PDE4D: variants seen among roughly 807,000 people sequenced by gnomAD.
PDE4D encodes the protein phosphodiesterase 4D, also known as 3',5'-cyclic-AMP phosphodiesterase 4D.
Under a neutral mutation model 87.4 loss-of-function variants are expected in PDE4D, and 24 were observed. The ratio of observed to expected loss-of-function variants is 0.27; its 90% confidence interval spans 0.20 to 0.39. The LOEUF (loss-of-function observed/expected upper bound fraction) is 0.39, where lower values mean the gene tolerates loss of function less well. Among genes scored for constraint, PDE4D ranks in the 10% least tolerant of loss-of-function variants. PDE4D has a pLI of 1.00. For missense variants in PDE4D, 714 were observed against 1,041.0 expected (o/e 0.69, Z 4.32); for synonymous variants, 384 against 383.2 (o/e 1.00, Z -0.02).
intron 1 of PDE4D, among the ~76,000 whole-genome samples, chr5:59,571,108 T>C (rs145170962): frequency 6.6e-6 from 1 of 152,314 alleles, no homozygotes; most frequent in African/African-American, 2.4e-5. Context: ...ATGAAAATCT[T>C]TTAAGGTAAC....
chr5:59,578,400 C>G (rs1823523825), intron 1 of PDE4D, among the ~76,000 whole-genome samples: 1 of 152,144 alleles, frequency 6.6e-6, no homozygotes, highest in African/African-American at 2.4e-5. Flanking sequence ...AGGAGACATT[C>G]TCATCACAAA....
At chr5:59,963,833 A>T (rs1759734896) in intron 3 of PDE4D, among the ~76,000 whole-genome samples, 1 of 152,160 alleles carries the variant, frequency 6.6e-6, no homozygotes, top group Non-Finnish European at 1.5e-5. Flanking sequence ...CAGCTCAAAA[A>T]TGCCTCTAAG....
chr5:60,369,518 G>A (rs1049073157), intron 1 of PDE4D, among the ~76,000 whole-genome samples: 2 of 152,160 alleles, frequency 1.3e-5, no homozygotes, highest in Non-Finnish European at 2.9e-5. Context: ...ACTGACCAGA[G>A]CACCAAGGCA....
At chr5:59,762,435 TGTATATGG>T (rs1223715577) in intron 1 of PDE4D, among the ~76,000 whole-genome samples, 1 of 135,768 alleles carries the variant, frequency 7.4e-6, no homozygotes, top group South Asian at 2.2e-4. Context: ...TGTGTATATG[TGTATATGG>T]GTACACATAT....
chr5:60,336,664 T>C lies in PDE4D; in HGVS notation c.-89-150977A>G, dbSNP rs115596860. ...TACAAAAATCTCACTCCCTCCTCTC[T>C]TTTTAGGTTGTCACAAAGTGTCTGA... On this transcript the variant is annotated intron_variant, in intron 1 of 16. Coordinates refer to the PDE4D transcript ENST00000502484. 3.2e-3 allele frequency among the ~76,000 whole-genome samples: 491 copies of C among 152,328 alleles called. 4 individuals are homozygous for C. The highest frequency in any genetic ancestry group is 0.011 in the African/African-American group (462 of 41,560).
chr5:59,756,925 G>A (rs534291778), intron 1 of PDE4D, among the ~76,000 whole-genome samples: 2 of 151,154 alleles, frequency 1.3e-5, no homozygotes, highest in East Asian at 3.9e-4. Context: ...AGCCTCCCGA[G>A]TAGCTCGGAT....
chr5:60,248,617 G>A (rs1274058429), intron 1 of PDE4D, among the ~76,000 whole-genome samples: 5 of 152,010 alleles, frequency 3.3e-5, no homozygotes, highest in African/African-American at 1.2e-4. Context: ...AAATAGGACA[G>A]ACTGGACCTT....
At chr5:59,974,326 G>A (rs1195642324) in intron 3 of PDE4D, among the ~76,000 whole-genome samples, 1 of 152,048 alleles carries the variant, frequency 6.6e-6, no homozygotes, top group Non-Finnish European at 1.5e-5. Context: ...TACCTAAGAT[G>A]TTATTATTGC....
At chr5:59,335,051 C>T (rs1025492849) in intron 1 of PDE4D, among the ~76,000 whole-genome samples, 4 of 152,172 alleles carry the variant, frequency 2.6e-5, no homozygotes, top group Admixed American at 2.6e-4. Context: ...TTGGTTCTCT[C>T]CTTTCCTGGG....
intron 6 of PDE4D, among the ~76,000 whole-genome samples, chr5:59,022,003 AG>A (rs2153376525): frequency 6.6e-6 from 1 of 152,240 alleles, no homozygotes; most frequent in South Asian, 2.1e-4. Context: ...CTCTGCTACC[AG>A]GGCATGACTC....
intron 5 of PDE4D, among the ~76,000 whole-genome samples, chr5:59,167,594 G>C (rs754553688): frequency 3.9e-5 from 6 of 152,112 alleles, no homozygotes; most frequent in Admixed American, 6.5e-5. Context: ...AGCTAACACT[G>C]TAGGCAGCTT....
At chr5:60,049,501 C>T (rs192138397) in intron 2 of PDE4D, among the ~76,000 whole-genome samples, 34 of 152,288 alleles carry the variant, frequency 2.2e-4, no homozygotes, top group African/African-American at 7.7e-4. Flanking sequence ...GTGGTTTTAT[C>T]TACTATTGGT....
At chr5:59,830,324 G>C (rs1292053971) in intron 1 of PDE4D, among the ~76,000 whole-genome samples, 1 of 151,844 alleles carries the variant, frequency 6.6e-6, no homozygotes, top group Non-Finnish European at 1.5e-5. Flanking sequence ...TTTTTCTAAT[G>C]TCTACATTAT....
At chr5:60,149,819 G>C (rs1277116206) in intron 2 of PDE4D, among the ~76,000 whole-genome samples, 2 of 147,146 alleles carry the variant, frequency 1.4e-5, no homozygotes, top group Non-Finnish European at 3.0e-5. Flanking sequence ...TATATATACA[G>C]ATATATAGTA....
At chr5:59,798,299 T>A (rs2152660784) in intron 1 of PDE4D, among the ~76,000 whole-genome samples, 1 of 141,246 alleles carries the variant, frequency 7.1e-6, no homozygotes, top group South Asian at 2.2e-4. Context: ...TGTGTGTGTT[T>A]GTGTGTATGA....
intron 1 of PDE4D, among the ~76,000 whole-genome samples, chr5:60,343,288 C>A (rs2149902507): frequency 6.6e-6 from 1 of 152,146 alleles, no homozygotes. Flanking sequence ...GGTGGAACAC[C>A]CCTGCCTCAC....
intron 1 of PDE4D, among the ~76,000 whole-genome samples, chr5:59,250,373 G>C (rs990438031): frequency 1.3e-5 from 2 of 150,776 alleles, no homozygotes; most frequent in African/African-American, 4.9e-5. Context: ...CACGCCTGTT[G>C]TTGCAGCTAC....
chr5:59,041,703 T>G (rs1275348481), intron 5 of PDE4D, among the ~76,000 whole-genome samples: 1 of 152,194 alleles, frequency 6.6e-6, no homozygotes, highest in Non-Finnish European at 1.5e-5. Context: ...AGCCTGAGCC[T>G]CAAGTGATTT....
chr5:59,816,419 T>C (rs1768978754), intron 1 of PDE4D, among the ~76,000 whole-genome samples: 1 of 152,210 alleles, frequency 6.6e-6, no homozygotes, highest in Admixed American at 6.5e-5. Flanking sequence ...CTTCCTACTT[T>C]GTGCTATGCT....
Sources: gnomAD v4.1 joint callset for allele counts (sites outside exome capture counted in the v4.1 genomes callset) on GRCh38, gnomAD v4.1.1 for gene constraint, MANE v1.5 for transcripts, NCBI Gene and HGNC (gene_info 2026-07-23, HGNC 2026-07-21) for gene names.